The following LRP1B variants were observed in gnomAD, a reference collection of about 807,000 sequenced individuals.
The protein encoded by LRP1B is LDL receptor related protein 1B, also known as low-density lipoprotein receptor-related protein 1B.
In LRP1B, 217 loss-of-function variants were observed where a neutral mutation model predicts 556.6. The ratio of observed to expected loss-of-function variants is 0.39; its 90% CI spans 0.35 to 0.44. The LOEUF (loss-of-function observed/expected upper bound fraction) is 0.44. Ranked by LOEUF, LRP1B falls within the 20% of genes least tolerant of loss-of-function variation. The pLI, the probability that LRP1B is intolerant of heterozygous loss-of-function variation, is 1.00. For missense variants in LRP1B, 5,053 were observed against 5,620.8 expected, an observed-to-expected ratio of 0.90 and a Z score of 3.23; for synonymous variants, 2,047 against 1,865.8, an observed-to-expected ratio of 1.10 and a Z score of -2.50.
intron 2 of LRP1B, among the ~76,000 whole-genome samples, chr2:141,624,046 A>AAAAAAAAAAAAAAAAAAAAAAAAC (rs1688612616): frequency 6.7e-6 from 1 of 149,432 alleles, no homozygotes; most frequent in Non-Finnish European, 1.5e-5. Context: ...CAAAAAAAAA[A>AAAAAAAAAAAAAAAAAAAAAAAAC]AGAAAAGAAA....
At chr2:141,327,755 T>C (rs1687478201) in intron 3 of LRP1B, among the ~76,000 whole-genome samples, 1 of 152,114 alleles carries the variant, frequency 6.6e-6, no homozygotes, top group South Asian at 2.1e-4. Flanking sequence ...GACAGAGCAA[T>C]ATAGATAAAT....
chr2:141,436,420 A>G (rs1409047262), intron 3 of LRP1B, among the ~76,000 whole-genome samples: 1 of 152,164 alleles, frequency 6.6e-6, no homozygotes, highest in Non-Finnish European at 1.5e-5. Context: ...GAGAGATGGG[A>G]AAAATGGGAG....
intron 1 of LRP1B, among the ~76,000 whole-genome samples, chr2:142,012,313 T>C (rs965765): frequency 0.91 from 138,694 of 152,116 alleles, 63,597 homozygotes; most frequent in Non-Finnish European, 0.96. Context: ...TTAAATCAAA[T>C]TAATTTTTAG....
chr2:140,415,097 A>G (rs1031645148), intron 66 of LRP1B, among the ~76,000 whole-genome samples: 8 of 152,176 alleles, frequency 5.3e-5, no homozygotes, highest in Admixed American at 1.3e-4. Flanking sequence ...CAGTACCCTC[A>G]GGCTTACTAG....
intron 41 of LRP1B, among the ~76,000 whole-genome samples, chr2:140,655,882 G>C (rs1684862623): frequency 6.6e-6 from 1 of 151,242 alleles, no homozygotes; most frequent in Admixed American, 6.7e-5. Context: ...GGCGGAGCTT[G>C]CAGTGAGACG....
At chr2:141,497,522 T>C (rs541989283) in intron 2 of LRP1B, among the ~76,000 whole-genome samples, 38 of 152,164 alleles carry the variant, frequency 2.5e-4, no homozygotes, top group Non-Finnish European at 4.4e-4. Flanking sequence ...TTTTTTCTCC[T>C]ACACCACATT....
rs1355912789 is a variant in LRP1B at position 142,115,634 on chromosome 2, ATATATGTAATATATATAT to A, written c.82+14996_82+15013del. 2.8e-4 allele frequency among the ~76,000 whole-genome samples: 5 copies of A among 17,954 alleles called. 1 individual carries two copies. Among genetic ancestry groups the A allele is most frequent in the Non-Finnish European group, 5.6e-4 (5 of 8,992 alleles). The allele number at this position is 17,954 out of a possible 152,430, so 11.8% of individuals were successfully genotyped here. Reference sequence around the variant, plus strand: ...ATTATATATATGTAATATATATATTATATATGTAATATATATATTATATGTAATATATATATGTAATAT... The same window carrying A: ...ATTATATATATGTAATATATATATTATATATGTAATATATATATGTAATAT... On this transcript the variant is annotated intron_variant, in intron 1 of 90. Coordinates refer to ENST00000389484, the MANE Select transcript of LRP1B (RefSeq NM_018557.3).
At chr2:141,108,334 C>CTTTTTTTTTTTTTT (rs60275697) in intron 7 of LRP1B, among the ~76,000 whole-genome samples, 12 of 88,524 alleles carry the variant, frequency 1.4e-4, no homozygotes, top group African/African-American at 4.3e-4. Flanking sequence ...TAATCTGTTT[C>CTTTTTTTTTTTTTT]TTTTTTTTTT....
intron 3 of LRP1B, among the ~76,000 whole-genome samples, chr2:141,350,683 C>G (rs1201942561): frequency 1.3e-5 from 2 of 152,090 alleles, no homozygotes; most frequent in Non-Finnish European, 2.9e-5. Flanking sequence ...GCTTTCATAA[C>G]TTCATCAAAG....
In LRP1B at chr2:140,456,533, G is replaced by C. The variant is rs760250679; in HGVS notation, c.9885C>G (p.Thr3295=). 6.2e-7 allele frequency: 1 copy of C among 1,613,168 alleles called. No individual in the cohort carries two copies. Among genetic ancestry groups the C allele is most frequent in the Non-Finnish European group, 8.5e-7 (1 of 1,179,456 alleles). The change falls in exon 62 of 91, where the codon ACC becomes ACG. Residue 3295 remains threonine (T), a synonymous_variant. Coordinates refer to ENST00000389484, the MANE Select transcript of LRP1B (RefSeq NM_018557.3). ...SHLCLLAPGK[T]HTCACPTNFY... ...AGTTAGTGGGACATGCACAAGTGTG[G>C]GTTTTTCCAGGGGCTAAAAGGCACA...
intron 81 of LRP1B, among the ~76,000 whole-genome samples, chr2:140,323,566 CACATTGTGCACATGT>C (rs551850496): frequency 0.028 from 4,313 of 151,978 alleles, 103 homozygotes; most frequent in Non-Finnish European, 0.039. Context: ...AACAAACCTG[CACATTGTGCACATGT>C]ACCCTAAAAC....
rs1286165511 is a variant in LRP1B, at chr2:140,495,665, A to G, written c.8934T>C (p.Cys2978=). 1 of 1,614,032 alleles carries G rather than the reference A, an allele frequency of 6.2e-7. No homozygotes were observed. Among genetic ancestry groups the G allele is most frequent in the East Asian group, 2.2e-5 (1 of 44,868 alleles). Residue 2978 remains cysteine (C), a synonymous_variant, in exon 56 of 91, where the codon TGT becomes TGC. Coordinates refer to ENST00000389484, the MANE Select transcript of LRP1B (RefSeq NM_018557.3). ...CGTATGTATTGATGCATTGCTGGCT[A>G]CAGGGAAAGCCTGAAGAGCATTCAT... is the stretch of plus-strand genomic sequence containing the variant. The part of the protein sequence containing the change: ...DIDECSSGFP[C]SQQCINTYGT...
chr2:141,450,250 C>A (rs1316252995), intron 3 of LRP1B, among the ~76,000 whole-genome samples: 1 of 152,156 alleles, frequency 6.6e-6, no homozygotes, highest in Non-Finnish European at 1.5e-5. Flanking sequence ...TTCATTAGTT[C>A]TGATATACAA....
chr2:140,274,289 T>C, intron 85 of LRP1B, 135 bp downstream of exon 85: 1 of 699,704 alleles, frequency 1.4e-6, no homozygotes, highest in Non-Finnish European at 2.4e-6. Context: ...TACTCTCTAA[T>C]CATAAAAACT....
At chr2:140,413,144 G>A (rs1278561564) in intron 66 of LRP1B, among the ~76,000 whole-genome samples, 1 of 152,034 alleles carries the variant, frequency 6.6e-6, no homozygotes, top group African/African-American at 2.4e-5. Flanking sequence ...CACTATTTTA[G>A]CTTTAAAGAA....
intron 35 of LRP1B, among the ~76,000 whole-genome samples, chr2:140,744,868 AT>A (rs932108389): frequency 6.6e-6 from 1 of 151,864 alleles, no homozygotes; most frequent in African/African-American, 2.4e-5. Context: ...GATTTTGCCA[AT>A]TTTTTTTCCT....
intron 41 of LRP1B, among the ~76,000 whole-genome samples, chr2:140,643,058 T>C (rs1313494526): frequency 6.6e-6 from 1 of 152,122 alleles, no homozygotes; most frequent in African/African-American, 2.4e-5. Context: ...ACACAGAGTT[T>C]TATTTACCTC....
chr2:140,398,148 A>G (rs1295223992), intron 66 of LRP1B, among the ~76,000 whole-genome samples: 4 of 152,180 alleles, frequency 2.6e-5, no homozygotes, highest in Non-Finnish European at 5.9e-5. Context: ...CAACTTTATA[A>G]CCACAGTTAG....
chr2:141,683,096 AC>A (rs1280473117), intron 2 of LRP1B, among the ~76,000 whole-genome samples: 26 of 152,286 alleles, frequency 1.7e-4, no homozygotes, highest in African/African-American at 6.0e-4. Flanking sequence ...GCACAGTTCC[AC>A]TGATACTTTG....
Sources: allele counts gnomAD v4.1 joint callset (sites outside exome capture counted in the v4.1 genomes callset), GRCh38; gene constraint gnomAD v4.1.1; transcripts MANE v1.5; gene names NCBI Gene and HGNC (gene_info 2026-07-23, HGNC 2026-07-21).